GRAMD4: variants seen among roughly 807,000 people sequenced by gnomAD.
GRAMD4 encodes the protein GRAM domain containing 4.
GRAMD4 carries 25 observed loss-of-function variants against 83.9 expected under a neutral mutation model. That is an observed-to-expected ratio of 0.30 (90% CI 0.22 to 0.42). The LOEUF (loss-of-function observed/expected upper bound fraction) is 0.42, where lower values mean the gene tolerates loss of function less well. GRAMD4 is among the 10% of genes least tolerant of loss of function. The pLI, the probability that GRAMD4 is intolerant of heterozygous loss-of-function variation, is 1.00. For missense variants in GRAMD4, 593 were observed against 788.7 expected (o/e 0.75, Z 2.97); for synonymous variants, 336 against 320.9 (o/e 1.05, Z -0.50).
chr22:46,589,003 G>A (rs2146997565), intron 1 of GRAMD4, among the ~76,000 whole-genome samples: 1 of 152,262 alleles, frequency 6.6e-6, no homozygotes, highest in African/African-American at 2.4e-5. Context: ...TGCAACCACA[G>A]CTCGTAACTG....
chr22:46,635,506 A>G (rs185110100), intron 2 of GRAMD4, among the ~76,000 whole-genome samples: 233 of 9,604 alleles, frequency 0.024, 5 homozygotes, highest in African/African-American at 0.039. Context: ...GGGAGGCCCT[A>G]TCCTCCCTGC....
intron 1 of GRAMD4, chr22:46,577,343 A>G: frequency 2.1e-6 from 2 of 972,560 alleles, no homozygotes; most frequent in Non-Finnish European, 2.4e-6. Context: ...CCCCGCGACC[A>G]CTCTCCCTTT....
chr22:46,642,843 C>G (rs1338788067), intron 3 of GRAMD4, among the ~76,000 whole-genome samples: 1 of 152,164 alleles, frequency 6.6e-6, no homozygotes, highest in African/African-American at 2.4e-5. Flanking sequence ...AGTTATTCCC[C>G]AAAGGTTAAT....
intron 13 of GRAMD4, among the ~76,000 whole-genome samples, chr22:46,671,467 C>G (rs993731877): frequency 6.6e-6 from 1 of 151,290 alleles, no homozygotes; most frequent in African/African-American, 2.4e-5. Context: ...GAGCAAGACT[C>G]TGTCTCAAAT....
chr22:46,600,981 T>TA (rs1304895224), intron 1 of GRAMD4, among the ~76,000 whole-genome samples: 1 of 152,100 alleles, frequency 6.6e-6, no homozygotes, highest in African/African-American at 2.4e-5. Context: ...CCGTCTCTAC[T>TA]AAAAATGCAA....
chr22:46,649,854 G>A (rs1287725649), intron 3 of GRAMD4, among the ~76,000 whole-genome samples: 1 of 152,240 alleles, frequency 6.6e-6, no homozygotes. Context: ...GGGAGGAAGG[G>A]GTTAAAAGGG....
At chr22:46,644,706 T>G (rs963719284) in intron 3 of GRAMD4, among the ~76,000 whole-genome samples, 39 of 57,518 alleles carry the variant, frequency 6.8e-4, no homozygotes, top group Middle Eastern at 0.011. Context: ...TGTTTTTTTT[T>G]TTTTTTTTTT....
chr22:46,657,425 C>G lies in GRAMD4; in HGVS notation c.284-762C>G, dbSNP rs561739899. Among the ~76,000 whole-genome samples the G allele has an allele frequency of 7.2e-5, 11 of 152,268 alleles. No individual in the cohort carries two copies. In the South Asian group the frequency reaches 2.1e-3, roughly 29 times the overall value. ...GGGGCAGAGGAAGCGGGAGAGAGGC[C>G]GGGTCCCCGTCTCTCCTGTCTTTAA... On this transcript the variant is annotated intron_variant, in intron 3 of 18. Transcript: ENST00000406902.
chr22:46,642,893 A>G (rs2147245872), intron 3 of GRAMD4, among the ~76,000 whole-genome samples: 1 of 152,114 alleles, frequency 6.6e-6, no homozygotes, highest in Middle Eastern at 3.4e-3. Flanking sequence ...TTATCTATCT[A>G]TCCATCCATC....
intron 1 of GRAMD4, among the ~76,000 whole-genome samples, chr22:46,624,216 G>A (rs2081619251): frequency 6.9e-6 from 1 of 145,232 alleles, no homozygotes; most frequent in Non-Finnish European, 1.5e-5. Context: ...TTTGCCTGGT[G>A]GCCTGTTAGA....
At chr22:46,638,798 C>T (rs2081929395) in intron 3 of GRAMD4, among the ~76,000 whole-genome samples, 1 of 152,198 alleles carries the variant, frequency 6.6e-6, no homozygotes, top group African/African-American at 2.4e-5. Flanking sequence ...CCACATGGAG[C>T]CCCCATTTGT....
At chr22:46,673,873 A>AAG in intron 15 of GRAMD4, 59 bp downstream of exon 15, 2 of 1,583,546 alleles carry the variant, frequency 1.3e-6, no homozygotes, top group Non-Finnish European at 1.7e-6. Context: ...AAGGCCCGTG[A>AAG]GGGGGGCGCT....
chr22:46,667,623 G>T (rs1375129166), intron 10 of GRAMD4, among the ~76,000 whole-genome samples: 1 of 152,250 alleles, frequency 6.6e-6, no homozygotes, highest in Non-Finnish European at 1.5e-5. Context: ...GGCCTAGTTG[G>T]GTATCTCAGT....
intron 2 of GRAMD4, 47 bp downstream of exon 2, chr22:46,627,008 C>A (rs772405048): frequency 3.6e-6 from 5 of 1,404,250 alleles, no homozygotes; most frequent in South Asian, 1.2e-5. Context: ...GTGTCGTCCC[C>A]GTCCTCTGTG....
chr22:46,643,968 T>C (rs2082027857), intron 3 of GRAMD4, among the ~76,000 whole-genome samples: 1 of 152,186 alleles, frequency 6.6e-6, no homozygotes, highest in Non-Finnish European at 1.5e-5. Context: ...CCCGCCCCCA[T>C]TTCCTCTCTT....
Position 46,622,085 on chromosome 22 carries a change from G to A in GRAMD4, c.-50+1520G>A, listed in dbSNP as rs917174425. On this transcript the variant is annotated intron_variant, in intron 1 of 18. Coordinates refer to ENST00000406902, the MANE Select transcript of GRAMD4 (RefSeq NM_015124.5). The surrounding 1 kb of genome is among the most constrained non-coding windows in gnomAD (Gnocchi z 4.0). ...GAGTAGCTGGACACTGGCGGGGCAC[G>A]CATTGCATTCTGATGGTGACAGGCG... is the stretch of plus-strand genomic sequence containing the variant. Among the ~76,000 whole-genome samples the A allele has an allele frequency of 1.3e-5, 2 of 152,174 alleles. No individual in the cohort carries two copies. Among genetic ancestry groups the A allele is most frequent in the Non-Finnish European group, 2.9e-5 (2 of 68,024 alleles).
chr22:46,580,407 G>A (rs868376053), intron 1 of GRAMD4, among the ~76,000 whole-genome samples: 3 of 152,250 alleles, frequency 2.0e-5, no homozygotes, highest in Non-Finnish European at 4.4e-5. Flanking sequence ...CACAGCAATG[G>A]TCCTGAAAAA....
intron 1 of GRAMD4, among the ~76,000 whole-genome samples, chr22:46,612,027 A>G (rs1230174114): frequency 6.9e-6 from 1 of 145,282 alleles, no homozygotes; most frequent in Non-Finnish European, 1.5e-5. Context: ...AAGAAGAGAC[A>G]GGGTCTTGAT....
intron 3 of GRAMD4, among the ~76,000 whole-genome samples, chr22:46,638,994 C>G (rs1209327178): frequency 6.6e-6 from 1 of 152,206 alleles, no homozygotes; most frequent in Admixed American, 6.5e-5. Context: ...CTCAAGGGTC[C>G]AAGGCCTGTC....
Sources: allele counts gnomAD v4.1 joint callset (sites outside exome capture counted in the v4.1 genomes callset), GRCh38; gene constraint gnomAD v4.1.1; non-coding constraint Gnocchi (gnomAD v3.1); transcripts MANE v1.5; gene names NCBI Gene and HGNC (gene_info 2026-07-23, HGNC 2026-07-21).